Variants in PDCD6 observed in about 807,000 individuals in gnomAD.
PDCD6 encodes the protein programmed cell death 6.
In PDCD6, 12 loss-of-function variants were observed where a neutral mutation model predicts 28.3. The ratio of observed to expected loss-of-function variants is 0.42; its 90% CI spans 0.27 to 0.69. The LOEUF (loss-of-function observed/expected upper bound fraction) is 0.69, where lower values mean the gene tolerates loss of function less well. Among genes scored for constraint, PDCD6 ranks in the 30% least tolerant of loss-of-function variants. The probability of loss-of-function intolerance (pLI) is 0.22; values close to 1 mark genes in which losing one functional copy is unlikely to be tolerated. For missense variants in PDCD6, 226 were observed against 269.9 expected (o/e 0.84, Z 1.14); for synonymous variants, 92 against 108.0 (o/e 0.85, Z 0.92).
intron 2 of PDCD6, among the ~76,000 whole-genome samples, chr5:302,300 G>GC (rs1740129563): frequency 1.4e-5 from 2 of 138,248 alleles, no homozygotes; most frequent in Non-Finnish European, 1.6e-5. Flanking sequence ...GAGTGCTGCT[G>GC]TGTGTGTGGG....
chr5:283,609 A>T (rs879264276), intron 2 of PDCD6, among the ~76,000 whole-genome samples: 2 of 151,936 alleles, frequency 1.3e-5, no homozygotes, highest in African/African-American at 4.8e-5. Flanking sequence ...GAAGGAGCTG[A>T]TGTTCTAGAT....
rs1025986344 is a variant in PDCD6 at position 314,518 on chromosome 5, C to G, written c.*3C>G. 8.7e-6 allele frequency: 14 copies of G among 1,603,212 alleles called. No individual in the cohort carries two copies. Among genetic ancestry groups the G allele is most frequent in the Admixed American group, 1.7e-5 (1 of 59,990 alleles). ...CCATGGTCTTCAGTATCGTATGACCCTGGCCTCTCGTGAAGAGCAGCACAA... is the reference window on the plus strand; with the variant it reads ...CCATGGTCTTCAGTATCGTATGACCGTGGCCTCTCGTGAAGAGCAGCACAA... On this transcript the variant is annotated 3_prime_UTR_variant, in exon 6 of 6. Coordinates refer to ENST00000264933, the MANE Select transcript of PDCD6 (RefSeq NM_013232.4).
intron 2 of PDCD6, among the ~76,000 whole-genome samples, chr5:294,394 T>C (rs948116820): frequency 1.9e-4 from 28 of 148,250 alleles, no homozygotes; most frequent in African/African-American, 5.6e-4. Context: ...AGGGCAGATA[T>C]TGGAACAGAG....
Position 314,426 on chromosome 5 carries a change from G to A in PDCD6, c.487G>A (p.Asp163Asn), listed in dbSNP as rs1741137534. ...QGCIVLQRLT[D>N]IFRRYDTDQD... ...CCTGTTTTCTCCCCAGAGGTTGACGGATATATTCAGACGTTACGACACGGA... is the reference window on the plus strand; with the variant it reads ...CCTGTTTTCTCCCCAGAGGTTGACGAATATATTCAGACGTTACGACACGGA... The change falls in exon 6 of 6, where the codon GAT becomes AAT. Residue 163 changes from aspartate (D) to asparagine (N), a missense_variant. Asp to Asn is a conservative substitution (Grantham distance 23). Transcript: ENST00000264933. 4.3e-6 allele frequency: 7 copies of A among 1,612,298 alleles called. No homozygotes were observed. The highest frequency in any genetic ancestry group is 5.9e-6 in the Non-Finnish European group (7 of 1,178,608).
intron 2 of PDCD6, among the ~76,000 whole-genome samples, chr5:303,535 A>T (rs1258711576): frequency 6.6e-6 from 1 of 151,936 alleles, no homozygotes; most frequent in Non-Finnish European, 1.5e-5. Context: ...GAGTCTGAGG[A>T]TAGTACAGCT....
chr5:278,841 G>A (rs1738378462), intron 2 of PDCD6, among the ~76,000 whole-genome samples: 2 of 149,838 alleles, frequency 1.3e-5, no homozygotes, highest in Non-Finnish European at 3.0e-5. Flanking sequence ...GGAGGGTGCT[G>A]GGGATGCGGG....
intron 2 of PDCD6, among the ~76,000 whole-genome samples, chr5:284,980 A>C (rs1334986843): frequency 6.9e-6 from 1 of 143,986 alleles, no homozygotes; most frequent in Non-Finnish European, 1.5e-5. Flanking sequence ...ACAGCTCTCA[A>C]ACTGGAACAT....
chr5:290,194 T>C, intron 2 of PDCD6: 7 of 1,576,552 alleles, frequency 4.4e-6, no homozygotes, highest in Non-Finnish European at 4.4e-6. Context: ...GCCTTTAAAT[T>C]GGGACCACTG....
chr5:294,153 T>C (rs1279850699), intron 2 of PDCD6, among the ~76,000 whole-genome samples: 1 of 151,572 alleles, frequency 6.6e-6, no homozygotes, highest in Non-Finnish European at 1.5e-5. Flanking sequence ...GAAAAGTTCT[T>C]AGACATGACA....
chr5:279,036 C>T (rs368236424), intron 2 of PDCD6, among the ~76,000 whole-genome samples: 34 of 152,290 alleles, frequency 2.2e-4, no homozygotes, highest in African/African-American at 7.7e-4. Flanking sequence ...GTTGAGGCTT[C>T]TCTGTCCTCC....
chr5:299,603 C>G (rs186357647), intron 2 of PDCD6, among the ~76,000 whole-genome samples: 66 of 151,106 alleles, frequency 4.4e-4, no homozygotes, highest in East Asian at 3.9e-3. Context: ...AGGCTGGAGT[C>G]CAGTGGTGCA....
chr5:292,284 A>T (rs1158977403), intron 2 of PDCD6, among the ~76,000 whole-genome samples: 1 of 152,172 alleles, frequency 6.6e-6, no homozygotes, highest in Non-Finnish European at 1.5e-5. Context: ...TTTGAGACAG[A>T]GTCTCACTCT....
At chr5:298,683 CACTCAGCTGCT>C (rs1739777778) in intron 2 of PDCD6, among the ~76,000 whole-genome samples, 7 of 118,744 alleles carry the variant, frequency 5.9e-5, no homozygotes, top group African/African-American at 2.8e-4. Context: ...CAGCTGCTCC[CACTCAGCTGCT>C]CCCACTCAGC....
intron 3 of PDCD6, 110 bp from the exon 4 acceptor site, chr5:306,489 AGTG>A: frequency 1.1e-6 from 1 of 890,436 alleles, no homozygotes. Flanking sequence ...GTCCCTGGTT[AGTG>A]GTCAGCAGTG....
At position 293,309 on chromosome 5, in the gene PDCD6, C is replaced by T. The variant is rs554286966; in HGVS notation, c.164-10868C>T. Reference sequence around the variant, plus strand: ...CTGTCAGAGATGGAGAAAGGTATGACAGGAAGAGCAGATCAAGAAGACGGG... The same window carrying T: ...CTGTCAGAGATGGAGAAAGGTATGATAGGAAGAGCAGATCAAGAAGACGGG... On this transcript the variant is annotated intron_variant, in intron 2 of 5. Transcript: ENST00000264933. Among the ~76,000 whole-genome samples the T allele has an allele frequency of 1.4e-3, 212 of 147,670 alleles. 1 individual carries two copies. Among genetic ancestry groups the T allele is most frequent in the African/African-American group, 5.2e-3 (204 of 39,198 alleles).
At position 307,842 on chromosome 5, in the gene PDCD6, TTTC is replaced by T. The variant is rs1174177625; in HGVS notation, c.367+1085_367+1087del. Reference sequence around the variant, plus strand: ...ACTTTGTGGCTGCCTTTCTTTCTCTTTTCTTTCTCACCTTACGAGCTTGTCCAC... The same window carrying T: ...ACTTTGTGGCTGCCTTTCTTTCTCTTTTTCTCACCTTACGAGCTTGTCCAC... On this transcript the variant is annotated intron_variant, in intron 4 of 5. Coordinates refer to ENST00000264933, the MANE Select transcript of PDCD6 (RefSeq NM_013232.4). This position sits in a 1 kb window ranked among gnomAD's most constrained non-coding sequence, Gnocchi z 6.1. 2.0e-5 allele frequency among the ~76,000 whole-genome samples: 3 copies of T among 152,100 alleles called. No individual in the cohort carries two copies. Among genetic ancestry groups the T allele is most frequent in the Admixed American group, 6.5e-5 (1 of 15,278 alleles).
chr5:275,228 C>G (rs1483897374), intron 2 of PDCD6, among the ~76,000 whole-genome samples: 2 of 152,194 alleles, frequency 1.3e-5, no homozygotes, highest in Non-Finnish European at 2.9e-5. Context: ...TGAGACCAGC[C>G]TGGGCGACAC....
chr5:276,276 C>T (rs1738192994), intron 2 of PDCD6: 8 of 1,121,958 alleles, frequency 7.1e-6, no homozygotes, highest in Middle Eastern at 4.1e-4. Flanking sequence ...ATTGGATCAT[C>T]GCAGCATTTT....
intron 2 of PDCD6, among the ~76,000 whole-genome samples, chr5:291,290 T>A (rs950285605): frequency 3.9e-5 from 6 of 152,182 alleles, no homozygotes; most frequent in African/African-American, 7.2e-5. Context: ...TGAACTTTGA[T>A]GTAAGGAAGT....
Sources: gnomAD v4.1 joint callset for allele counts (sites outside exome capture counted in the v4.1 genomes callset) on GRCh38, gnomAD v4.1.1 for gene constraint, Gnocchi (gnomAD v3.1) non-coding constraint, MANE v1.5 for transcripts, NCBI Gene and HGNC (gene_info 2026-07-23, HGNC 2026-07-21) for gene names.